ZMYND11: variants seen among roughly 807,000 people sequenced by gnomAD.
ZMYND11 encodes zinc finger MYND-type containing 11.
ZMYND11 carries 9 observed loss-of-function variants against 84.9 expected under a neutral mutation model. That is an observed-to-expected ratio of 0.11 (90% CI 0.06 to 0.18). The LOEUF is 0.18. ZMYND11 is among the 10% of genes least tolerant of loss of function. The pLI, the probability that ZMYND11 is intolerant of heterozygous loss-of-function variation, is 1.00. For synonymous variants in ZMYND11, 250 were observed against 244.1 expected, an observed-to-expected ratio of 1.02 and a Z score of -0.23; for missense variants, 409 against 761.0, an observed-to-expected ratio of 0.54 and a Z score of 5.44.
chr10:147,851 T>G (rs1839283458), intron 1 of ZMYND11: 1 of 152,150 alleles, frequency 6.6e-6, no homozygotes. Context: ...CCATCCAGTT[T>G]GAATGTCTGG....
At chr10:198,926 G>A (rs1025138936) in intron 2 of ZMYND11, among the ~76,000 whole-genome samples, 18 of 152,178 alleles carry the variant, frequency 1.2e-4, no homozygotes, top group African/African-American at 3.9e-4. Context: ...GGCTTTTAGT[G>A]TGTATGCACA....
At chr10:246,074 A>T (rs1156533391) in intron 10 of ZMYND11, among the ~76,000 whole-genome samples, 2 of 152,144 alleles carry the variant, frequency 1.3e-5, no homozygotes, top group Non-Finnish European at 2.9e-5. Context: ...GAAAGAGACC[A>T]ATGCCCAGGA....
At chr10:182,789 G>A (rs1215593161) in intron 2 of ZMYND11, among the ~76,000 whole-genome samples, 1 of 152,088 alleles carries the variant, frequency 6.6e-6, no homozygotes, top group African/African-American at 2.4e-5. Context: ...AGGTAAGTTA[G>A]GAAGTAGCAT....
intron 14 of ZMYND11, among the ~76,000 whole-genome samples, chr10:251,333 C>T (rs972389528): frequency 2.0e-5 from 3 of 152,186 alleles, no homozygotes; most frequent in African/African-American, 7.2e-5. Context: ...CGACACGCCT[C>T]ATCCAAGCCG....
intron 3 of ZMYND11, among the ~76,000 whole-genome samples, chr10:214,667 G>T (rs1215490441): frequency 2.6e-5 from 4 of 152,170 alleles, no homozygotes; most frequent in Admixed American, 1.3e-4. Context: ...GTTATTTCAA[G>T]ACTTTTTTCT....
At chr10:138,562 T>A (rs1447861898) in intron 1 of ZMYND11, among the ~76,000 whole-genome samples, 4 of 152,212 alleles carry the variant, frequency 2.6e-5, no homozygotes, top group Non-Finnish European at 5.9e-5. Flanking sequence ...CTCTTTGGCA[T>A]ACCTTAATTG....
At chr10:161,826 C>G (rs1842996051) in intron 1 of ZMYND11, among the ~76,000 whole-genome samples, 1 of 152,172 alleles carries the variant, frequency 6.6e-6, no homozygotes, top group African/African-American at 2.4e-5. Context: ...TGTGGCTGGT[C>G]TGGTGTTCTA....
At chr10:132,802 G>A (rs1835343421), upstream of ZMYND11, among the ~76,000 whole-genome samples, 2 of 152,172 alleles carry the variant, frequency 1.3e-5, no homozygotes, top group South Asian at 4.1e-4. Flanking sequence ...ATTGGGGGCG[G>A]GAGGAGTATT....
At chr10:207,721 C>T (rs1944438585) in intron 2 of ZMYND11, among the ~76,000 whole-genome samples, 1 of 152,096 alleles carries the variant, frequency 6.6e-6, no homozygotes, top group South Asian at 2.1e-4. Flanking sequence ...GCCATACTGC[C>T]CAAGGTAATT....
At chr10:194,874 C>T (rs942334349) in intron 2 of ZMYND11, among the ~76,000 whole-genome samples, 28 of 152,162 alleles carry the variant, frequency 1.8e-4, no homozygotes, top group African/African-American at 6.5e-4. Flanking sequence ...GAACAATCAA[C>T]ATTTATAGAG....
rs1953734280 is a variant in ZMYND11 at position 252,651 on chromosome 10, CA to C, written c.*182del. 4.5e-6 allele frequency: 3 copies of C among 668,246 alleles called. No homozygotes were observed. The Admixed American group carries it at 1.1e-4, about 25-fold the overall frequency. 41.4% of individuals were successfully genotyped at this position (668,246 alleles called of 1,614,324 possible). ...TTGTTAATGCTCCTCCGAAGTTTTTCAGGGGGTAAAAGTAACATCAGTGGAG... is the reference window on the plus strand; with the variant it reads ...TTGTTAATGCTCCTCCGAAGTTTTTCGGGGGTAAAAGTAACATCAGTGGAG... On this transcript the variant is annotated 3_prime_UTR_variant, in exon 15 of 15. Coordinates refer to ENST00000381604, the MANE Select transcript of ZMYND11 (RefSeq NM_001370100.5). This position sits in a 1 kb window ranked among gnomAD's most constrained non-coding sequence, Gnocchi z 4.6.
chr10:148,647 C>T (rs1453257459), intron 1 of ZMYND11: 1 of 152,246 alleles, frequency 6.6e-6, no homozygotes, highest in Non-Finnish European at 1.5e-5. Flanking sequence ...TAATTCTTCA[C>T]TGATTCCACA....
intron 2 of ZMYND11, among the ~76,000 whole-genome samples, chr10:197,510 C>T (rs1418938057): frequency 6.6e-6 from 1 of 152,122 alleles, no homozygotes; most frequent in East Asian, 1.9e-4. Flanking sequence ...ACTTCTATAC[C>T]TCTATAAAGT....
chr10:181,947 G>C (rs1214963234), intron 2 of ZMYND11, among the ~76,000 whole-genome samples: 1 of 152,086 alleles, frequency 6.6e-6, no homozygotes, highest in African/African-American at 2.4e-5. Flanking sequence ...TTATGGTTGA[G>C]ATTTTTAAAA....
chr10:215,441 C>T (rs559422602), intron 3 of ZMYND11, among the ~76,000 whole-genome samples: 3 of 152,164 alleles, frequency 2.0e-5, no homozygotes, highest in Non-Finnish European at 2.9e-5. Flanking sequence ...TTAGGAACCA[C>T]GTTGATACTT....
intron 1 of ZMYND11, among the ~76,000 whole-genome samples, chr10:136,866 A>G (rs1554752350): frequency 6.6e-6 from 1 of 152,076 alleles, no homozygotes; most frequent in Admixed American, 6.5e-5. Flanking sequence ...TTTGTGCAGT[A>G]TGTGCACGGT....
chr10:226,203 AC>A (rs1948091048), intron 4 of ZMYND11, among the ~76,000 whole-genome samples: 1 of 152,122 alleles, frequency 6.6e-6, no homozygotes, highest in Non-Finnish European at 1.5e-5. Flanking sequence ...GAAGCATATA[AC>A]TACTTGACTC....
intron 1 of ZMYND11, among the ~76,000 whole-genome samples, chr10:142,952 G>A (rs1431663739): frequency 1.3e-5 from 2 of 152,198 alleles, no homozygotes; most frequent in Non-Finnish European, 2.9e-5. Context: ...AGCACTGGAG[G>A]CGGGGCACCT....
intron 1 of ZMYND11, among the ~76,000 whole-genome samples, chr10:152,868 GACC>G (rs1840736232): frequency 1.3e-5 from 2 of 152,204 alleles, no homozygotes; most frequent in Admixed American, 6.5e-5. Flanking sequence ...CTGTCTCTCA[GACC>G]ACAGTGCAAT....
Sources: allele counts gnomAD v4.1 joint callset (sites outside exome capture counted in the v4.1 genomes callset), GRCh38; gene constraint gnomAD v4.1.1; non-coding constraint Gnocchi (gnomAD v3.1); transcripts MANE v1.5; gene names NCBI Gene and HGNC (gene_info 2026-07-23, HGNC 2026-07-21).